DOK6: variants seen among roughly 807,000 people sequenced by gnomAD.
The protein encoded by DOK6 is docking protein 6.
In DOK6, 22 loss-of-function variants were observed where a neutral mutation model predicts 44.0. The ratio of observed to expected loss-of-function variants is 0.50; its 90% confidence interval spans 0.36 to 0.71. DOK6 has a LOEUF of 0.71. Ranked by LOEUF, DOK6 falls within the 30% of genes least tolerant of loss-of-function variation. DOK6 has a pLI of 0.00. For missense variants in DOK6, 340 were observed against 416.4 expected (o/e 0.82, Z 1.60); for synonymous variants, 166 against 145.5 (o/e 1.14, Z -1.01).
intron 1 of DOK6, among the ~76,000 whole-genome samples, chr18:69,420,213 CT>C (rs1367034780): frequency 2.0e-5 from 3 of 151,730 alleles, no homozygotes; most frequent in Admixed American, 6.6e-5. Flanking sequence ...AAAATTAGTC[CT>C]GCATTGTCTT....
At chr18:69,783,325 G>C (rs1980333636) in intron 7 of DOK6, among the ~76,000 whole-genome samples, 1 of 152,170 alleles carries the variant, frequency 6.6e-6, no homozygotes, top group African/African-American at 2.4e-5. Context: ...ACACACACCA[G>C]ATGTGAAGAT....
chr18:69,752,398 C>G (rs1807296396), intron 6 of DOK6, among the ~76,000 whole-genome samples: 2 of 152,274 alleles, frequency 1.3e-5, no homozygotes, highest in Non-Finnish European at 2.9e-5. Context: ...GATGGCATAA[C>G]TAACCTAAAT....
chr18:69,405,185 A>G (rs937484387), intron 1 of DOK6, among the ~76,000 whole-genome samples: 3 of 152,164 alleles, frequency 2.0e-5, no homozygotes, highest in African/African-American at 7.2e-5. Context: ...AGACACCTCC[A>G]TTCCTGGCTT....
intron 1 of DOK6, among the ~76,000 whole-genome samples, chr18:69,547,334 C>T (rs1982435247): frequency 6.6e-6 from 1 of 151,408 alleles, no homozygotes; most frequent in Non-Finnish European, 1.5e-5. Context: ...CTCCTGACCT[C>T]GTGATCTGTC....
intron 1 of DOK6, among the ~76,000 whole-genome samples, chr18:69,538,489 C>T (rs1982180564): frequency 6.6e-6 from 1 of 152,060 alleles, no homozygotes. Context: ...CTCAAGCGAT[C>T]CTCTACCTCA....
intron 1 of DOK6, among the ~76,000 whole-genome samples, chr18:69,518,233 G>T (rs1463420251): frequency 6.6e-6 from 1 of 152,072 alleles, no homozygotes; most frequent in Admixed American, 6.6e-5. Context: ...AAATTGTAAA[G>T]ACCTGAATAC....
intron 3 of DOK6, among the ~76,000 whole-genome samples, chr18:69,629,140 T>A (rs1307668688): frequency 2.0e-5 from 3 of 152,222 alleles, no homozygotes; most frequent in Admixed American, 1.3e-4. Flanking sequence ...TGCTGCCAAA[T>A]TAACCTGGCA....
At chr18:69,650,700 C>T (rs1056142591) in intron 3 of DOK6, among the ~76,000 whole-genome samples, 1 of 152,146 alleles carries the variant, frequency 6.6e-6, no homozygotes, top group Non-Finnish European at 1.5e-5. Flanking sequence ...CAATATTGTG[C>T]TTACCTTGAA....
At chr18:69,416,479 G>A (rs1054237692) in intron 1 of DOK6, among the ~76,000 whole-genome samples, 4 of 152,142 alleles carry the variant, frequency 2.6e-5, no homozygotes, top group African/African-American at 9.7e-5. Context: ...TTTGGAGACA[G>A]TGAGAATTGT....
chr18:69,449,205 T>C (rs575451519), intron 1 of DOK6, among the ~76,000 whole-genome samples: 2 of 152,358 alleles, frequency 1.3e-5, no homozygotes, highest in East Asian at 3.9e-4. Context: ...GGGTGCAAGA[T>C]AAGTCTACTT....
At chr18:69,416,157 G>T (rs1312001331) in intron 1 of DOK6, among the ~76,000 whole-genome samples, 1 of 61,724 alleles carries the variant, frequency 1.6e-5, no homozygotes, top group Non-Finnish European at 3.9e-5. Flanking sequence ...AGGGAGGGAG[G>T]GAAGGAAGGA....
chr18:69,585,924 C>G (rs1983488576), intron 2 of DOK6, among the ~76,000 whole-genome samples: 1 of 152,152 alleles, frequency 6.6e-6, no homozygotes, highest in Non-Finnish European at 1.5e-5. Context: ...AGCCTTGTAT[C>G]TTTTGAACAG....
chr18:69,681,715 T>A (rs564370399), intron 4 of DOK6, among the ~76,000 whole-genome samples: 161 of 152,330 alleles, frequency 1.1e-3, no homozygotes, highest in African/African-American at 3.6e-3. Context: ...CCATAAAAAA[T>A]ATTAATATAT....
chr18:69,544,912 C>A (rs1057466091), intron 1 of DOK6, among the ~76,000 whole-genome samples: 3 of 151,288 alleles, frequency 2.0e-5, no homozygotes, highest in African/African-American at 4.8e-5. Flanking sequence ...GGGCGGATCA[C>A]TAGGTCAGGA....
chr18:69,495,824 C>T (rs1277876636), intron 1 of DOK6, among the ~76,000 whole-genome samples: 2 of 152,228 alleles, frequency 1.3e-5, no homozygotes, highest in Non-Finnish European at 1.5e-5. Flanking sequence ...TGCTCATCAG[C>T]ACCCAAAGTC....
intron 3 of DOK6, among the ~76,000 whole-genome samples, chr18:69,610,710 A>C (rs1984118088): frequency 2.0e-5 from 3 of 152,226 alleles, no homozygotes; most frequent in Admixed American, 2.0e-4. Flanking sequence ...AATAAAAAAC[A>C]ATACAAATTA....
At chr18:69,635,743 T>A (rs916765348) in intron 3 of DOK6, among the ~76,000 whole-genome samples, 4 of 152,164 alleles carry the variant, frequency 2.6e-5, no homozygotes, top group African/African-American at 9.7e-5. Context: ...GCCGCATACC[T>A]AGACTTCCCT....
At chr18:69,653,175 C>G (rs894172141) in intron 3 of DOK6, among the ~76,000 whole-genome samples, 5 of 152,140 alleles carry the variant, frequency 3.3e-5, no homozygotes, top group African/African-American at 1.2e-4. Flanking sequence ...GTGAGTCTAG[C>G]CTTTAAGACC....
At chr18:69,798,398 C>T (rs771081738) in intron 7 of DOK6, among the ~76,000 whole-genome samples, 11 of 152,042 alleles carry the variant, frequency 7.2e-5, no homozygotes, top group Non-Finnish European at 1.2e-4. Flanking sequence ...GAGTTACAAA[C>T]GCTGAAGATA....
Sources: allele counts gnomAD v4.1 joint callset (sites outside exome capture counted in the v4.1 genomes callset), GRCh38; gene constraint gnomAD v4.1.1; transcripts MANE v1.5; gene names NCBI Gene and HGNC (gene_info 2026-07-23, HGNC 2026-07-21).